Variants in DDX60L observed in about 807,000 individuals in gnomAD.
The protein encoded by DDX60L is DExD/H-box 60 like.
Under a neutral mutation model 211.6 loss-of-function variants are expected in DDX60L, and 191 were observed. The ratio of observed to expected loss-of-function variants is 0.90; its 90% CI spans 0.80 to 1.02. The LOEUF (loss-of-function observed/expected upper bound fraction) is 1.02, where lower values mean the gene tolerates loss of function less well. Among genes scored for constraint, DDX60L ranks in the 50% least tolerant of loss-of-function variants. The pLI, the probability that DDX60L is intolerant of heterozygous loss-of-function variation, is 0.00. For synonymous variants in DDX60L, 706 were observed against 694.1 expected, an observed-to-expected ratio of 1.02 and a Z score of -0.27; for missense variants, 2,007 against 1,984.1, an observed-to-expected ratio of 1.01 and a Z score of -0.22.
intron 13 of DDX60L, among the ~76,000 whole-genome samples, chr4:168,429,713 G>T (rs1175703546): frequency 6.6e-6 from 1 of 152,226 alleles, no homozygotes; most frequent in African/African-American, 2.4e-5. Context: ...CTGATGGGAG[G>T]TGACTGCATC....
At chr4:168,463,888 T>C (rs2150110899) in intron 4 of DDX60L, among the ~76,000 whole-genome samples, 1 of 152,328 alleles carries the variant, frequency 6.6e-6, no homozygotes, top group East Asian at 1.9e-4. Context: ...ATTCAATCTG[T>C]AATTTTTAAA....
intron 8 of DDX60L, among the ~76,000 whole-genome samples, chr4:168,452,271 T>G (rs1394199763): frequency 6.6e-6 from 1 of 152,238 alleles, no homozygotes; most frequent in Non-Finnish European, 1.5e-5. Context: ...GCTTATCATC[T>G]CTTTTCCCAT....
rs1291221419 is a variant in DDX60L at position 168,361,166 on chromosome 4, G to A, written c.4974C>T (p.Phe1658=). 8 of 1,607,920 alleles carry A rather than the reference G, an allele frequency of 5.0e-6. No individual in the cohort carries two copies. Among genetic ancestry groups the A allele is most frequent in the Admixed American group, 1.7e-5 (1 of 59,702 alleles). ...QLLKCLKDFA[F]NIQAISDSLS... ...AAACATACCTGATAGCCTGAATGTT[G>A]AATGCAAAATCTTTCAAACACTTTA... The change falls in exon 37 of 38, where the codon TTC becomes TTT. Residue 1658 remains phenylalanine (F), a synonymous_variant. Transcript: ENST00000682922.
At chr4:168,412,360 G>T (rs1748828617) in intron 22 of DDX60L, among the ~76,000 whole-genome samples, 1 of 152,056 alleles carries the variant, frequency 6.6e-6, no homozygotes, top group African/African-American at 2.4e-5. Context: ...AAAGCCTGTT[G>T]GCCTGAAGGG....
At chr4:168,391,024 G>T (rs1242788794) in intron 29 of DDX60L, among the ~76,000 whole-genome samples, 1 of 151,662 alleles carries the variant, frequency 6.6e-6, no homozygotes. Flanking sequence ...TTGGAATTTG[G>T]AAAACAGGTG....
intron 30 of DDX60L, among the ~76,000 whole-genome samples, chr4:168,384,158 G>T (rs374051894): frequency 6.6e-6 from 1 of 151,984 alleles, no homozygotes. Context: ...GCCTATTATG[G>T]GTCCTTGTGA....
At chr4:168,447,475 G>A (rs1206413061) in intron 9 of DDX60L, among the ~76,000 whole-genome samples, 7 of 151,790 alleles carry the variant, frequency 4.6e-5, no homozygotes, top group Non-Finnish European at 7.4e-5. Flanking sequence ...TCAGTGTGGC[G>A]ATTCCTCAGG....
intron 28 of DDX60L, among the ~76,000 whole-genome samples, chr4:168,391,993 G>A (rs963995701): frequency 1.3e-5 from 2 of 152,074 alleles, no homozygotes; most frequent in African/African-American, 4.8e-5. Flanking sequence ...GTATCATGAG[G>A]ACATGGGCAT....
chr4:168,385,373 C>T (rs1261122656), intron 29 of DDX60L, among the ~76,000 whole-genome samples: 2 of 152,176 alleles, frequency 1.3e-5, no homozygotes, highest in African/African-American at 2.4e-5. Flanking sequence ...ATGGAAGCTC[C>T]GTGCCCCTTG....
intron 26 of DDX60L, among the ~76,000 whole-genome samples, chr4:168,399,408 AGCCC>A (rs1388460570): frequency 1.3e-5 from 2 of 152,168 alleles, no homozygotes; most frequent in African/African-American, 4.8e-5. Flanking sequence ...CGCCTGGTCC[AGCCC>A]CAGCCTCACA....
intron 22 of DDX60L, among the ~76,000 whole-genome samples, chr4:168,414,179 A>G (rs1013772618): frequency 6.6e-6 from 1 of 152,190 alleles, no homozygotes; most frequent in African/African-American, 2.4e-5. Context: ...CTCAGACAAA[A>G]GCTAAGAGAT....
chr4:168,383,098 A>T (rs997160936), intron 30 of DDX60L, among the ~76,000 whole-genome samples: 8 of 152,166 alleles, frequency 5.3e-5, no homozygotes, highest in African/African-American at 1.7e-4. Context: ...CCTATTCCAG[A>T]CCTTTATGAG....
chr4:168,457,265 C>T (rs6850611), intron 6 of DDX60L, among the ~76,000 whole-genome samples: 14,355 of 42,536 alleles, frequency 0.34, 2,008 homozygotes, highest in African/African-American at 0.48. Flanking sequence ...ACTACATACA[C>T]ACACACACAC....
At chr4:168,471,139 G>T (rs1288034029) in intron 4 of DDX60L, among the ~76,000 whole-genome samples, 1 of 152,124 alleles carries the variant, frequency 6.6e-6, no homozygotes, top group Non-Finnish European at 1.5e-5. Flanking sequence ...AAAAAAACCT[G>T]CAAATAAGTA....
At chr4:168,418,354 C>T (rs1749927810) in intron 19 of DDX60L, among the ~76,000 whole-genome samples, 1 of 152,184 alleles carries the variant, frequency 6.6e-6, no homozygotes, top group Non-Finnish European at 1.5e-5. Flanking sequence ...AGGCATGAGC[C>T]ACCACACCCG....
At chr4:168,416,656 C>A in intron 20 of DDX60L, 26 bp downstream of exon 20, 1 of 1,437,924 alleles carries the variant, frequency 7.0e-7, no homozygotes, top group South Asian at 1.3e-5. Context: ...GAATATATAA[C>A]AACCACTCTT....
intron 14 of DDX60L, 65 bp downstream of exon 14, chr4:168,427,005 A>G: frequency 6.8e-7 from 1 of 1,474,314 alleles, no homozygotes; most frequent in Non-Finnish European, 9.1e-7. Flanking sequence ...TGCATTCAGT[A>G]AATATGTTAA....
chr4:168,438,094 C>T (rs190286099), intron 10 of DDX60L, among the ~76,000 whole-genome samples: 3 of 152,132 alleles, frequency 2.0e-5, no homozygotes, highest in South Asian at 4.1e-4. Flanking sequence ...AGGATGGTCT[C>T]GATCTCCTGA....
At chr4:168,393,118 C>A (rs551772720) in intron 28 of DDX60L, among the ~76,000 whole-genome samples, 48 of 152,216 alleles carry the variant, frequency 3.2e-4, no homozygotes, top group African/African-American at 1.1e-3. Context: ...GAAAACTGAG[C>A]AGAGTTGTTC....
Sources: gnomAD v4.1 joint callset for allele counts (sites outside exome capture counted in the v4.1 genomes callset) on GRCh38, gnomAD v4.1.1 for gene constraint, MANE v1.5 for transcripts, NCBI Gene and HGNC (gene_info 2026-07-23, HGNC 2026-07-21) for gene names.